FOCAD: variants seen among roughly 807,000 people sequenced by gnomAD.
FOCAD encodes the protein KIAA1797.
In FOCAD, 198 loss-of-function variants were observed where a neutral mutation model predicts 225.6. The ratio of observed to expected loss-of-function variants is 0.88; its 90% CI spans 0.78 to 0.99. The LOEUF (loss-of-function observed/expected upper bound fraction) is 0.99, where lower values mean the gene tolerates loss of function less well. FOCAD is among the 50% of genes least tolerant of loss of function. The pLI is 0.00. For missense variants in FOCAD, 2,713 were observed against 2,123.6 expected, an observed-to-expected ratio of 1.28 and a Z score of -5.46; for synonymous variants, 897 against 755.0, an observed-to-expected ratio of 1.19 and a Z score of -3.08.
chr9:20,930,381 T>C (rs1414291506), intron 27 of FOCAD, among the ~76,000 whole-genome samples: 2 of 152,248 alleles, frequency 1.3e-5, no homozygotes, highest in East Asian at 3.8e-4. Flanking sequence ...AATACTTGCT[T>C]ATCATGAATA....
chr9:20,953,206 G>T lies in FOCAD; in HGVS notation c.4132+141G>T, dbSNP rs914533242. The T allele has an allele frequency of 2.4e-5, 15 of 634,866 alleles. No homozygotes were observed. In the African/African-American group the frequency reaches 2.4e-4, roughly 10 times the overall value. The allele number at this position is 634,866 out of a possible 1,614,324, so 39.3% of individuals were successfully genotyped here. ...TATTTTCGTCTGCTAAACCATCTTTGCAATAGAGATGACCAGCAGCTAGCT... is the reference window on the plus strand; with the variant it reads ...TATTTTCGTCTGCTAAACCATCTTTTCAATAGAGATGACCAGCAGCTAGCT... On this transcript the variant is annotated intron_variant, in intron 35 of 43. Transcript: ENST00000338382.
At chr9:20,838,629 C>A (rs2131549278) in intron 15 of FOCAD, among the ~76,000 whole-genome samples, 1 of 152,150 alleles carries the variant, frequency 6.6e-6, no homozygotes, top group East Asian at 1.9e-4. Flanking sequence ...GGTACTCTAT[C>A]CATGTTATGG....
chr9:20,894,896 C>T (rs1167951268), intron 21 of FOCAD, among the ~76,000 whole-genome samples: 1 of 152,006 alleles, frequency 6.6e-6, no homozygotes, highest in African/African-American at 2.4e-5. Flanking sequence ...GAAAAGCTGT[C>T]ATCAAGCCTA....
chr9:20,846,232 A>G (rs1408395716), intron 15 of FOCAD, among the ~76,000 whole-genome samples: 1 of 152,090 alleles, frequency 6.6e-6, no homozygotes, highest in Non-Finnish European at 1.5e-5. Flanking sequence ...CTGTGGAGAA[A>G]TGTGTACTCT....
intron 1 of FOCAD, among the ~76,000 whole-genome samples, chr9:20,698,147 T>A (rs1195602002): frequency 1.3e-5 from 2 of 152,220 alleles, no homozygotes; most frequent in African/African-American, 4.8e-5. Context: ...ATTTTTTTAT[T>A]TGAGGAGAAT....
intron 1 of FOCAD, among the ~76,000 whole-genome samples, chr9:20,704,530 T>C (rs569198075): frequency 5.3e-5 from 8 of 152,318 alleles, no homozygotes; most frequent in Admixed American, 1.3e-4. Context: ...GGAGGAAGAT[T>C]TCCTAGCAGT....
intron 19 of FOCAD, among the ~76,000 whole-genome samples, chr9:20,878,179 T>C (rs975078416): frequency 5.3e-5 from 8 of 152,200 alleles, no homozygotes; most frequent in African/African-American, 1.9e-4. Context: ...TTATACAATT[T>C]GTACTTCCAG....
chr9:20,960,896 A>G (rs1470015594), intron 35 of FOCAD, among the ~76,000 whole-genome samples: 2 of 152,030 alleles, frequency 1.3e-5, no homozygotes, highest in African/African-American at 4.8e-5. Context: ...TTCCAGCTTC[A>G]TCCATGTCCC....
At chr9:20,783,401 A>G (rs547361063) in intron 10 of FOCAD, among the ~76,000 whole-genome samples, 3 of 151,980 alleles carry the variant, frequency 2.0e-5, no homozygotes, top group East Asian at 1.9e-4. Context: ...TCCTGCACCT[A>G]TCTGGAACTT....
At chr9:20,994,872 A>C (rs141047645) in intron 43 of FOCAD, among the ~76,000 whole-genome samples, 1 of 152,356 alleles carries the variant, frequency 6.6e-6, no homozygotes, top group Non-Finnish European at 1.5e-5. Flanking sequence ...TAGTAGGCTT[A>C]TTAGATTCAC....
chr9:20,927,010 A>G (rs150938807), intron 26 of FOCAD, among the ~76,000 whole-genome samples: 1 of 114,264 alleles, frequency 8.8e-6, no homozygotes, highest in Non-Finnish European at 2.0e-5. Context: ...TGTGAAATAT[A>G]TATGTATAGA....
chr9:20,765,325 T>C (rs1350578970), intron 7 of FOCAD, among the ~76,000 whole-genome samples: 3 of 152,130 alleles, frequency 2.0e-5, no homozygotes, highest in Non-Finnish European at 4.4e-5. Context: ...ATAGCAAGCA[T>C]GAAAACTTTC....
chr9:20,655,685 TG>T (rs775917989), upstream of FOCAD, among the ~76,000 whole-genome samples: 24 of 152,236 alleles, frequency 1.6e-4, no homozygotes, highest in Non-Finnish European at 3.4e-4. Flanking sequence ...TTATTAGTCT[TG>T]CTAGCGGTCT....
intron 35 of FOCAD, among the ~76,000 whole-genome samples, chr9:20,966,508 T>C (rs1399216898): frequency 6.6e-6 from 1 of 152,152 alleles, no homozygotes; most frequent in Non-Finnish European, 1.5e-5. Context: ...AATGAACAAG[T>C]TTTTAACTTC....
intron 1 of FOCAD, among the ~76,000 whole-genome samples, chr9:20,693,958 G>GTGAT (rs1823137144): frequency 6.6e-6 from 1 of 152,188 alleles, no homozygotes; most frequent in Non-Finnish European, 1.5e-5. Flanking sequence ...TGATCTTCCT[G>GTGAT]CCTTGGCCTC....
chr9:20,688,244 G>T (rs1022526344), intron 1 of FOCAD, among the ~76,000 whole-genome samples: 1 of 152,156 alleles, frequency 6.6e-6, no homozygotes, highest in African/African-American at 2.4e-5. Context: ...GGGTAAGGCA[G>T]ACATTTGCAT....
chr9:20,670,982 A>G (rs1822048174), intron 2 of FOCAD, among the ~76,000 whole-genome samples: 1 of 152,228 alleles, frequency 6.6e-6, no homozygotes, highest in African/African-American at 2.4e-5. Context: ...AATCCCAGCT[A>G]GTAAATACTA....
chr9:20,982,480 A>G (rs769995215), intron 39 of FOCAD, 34 bp downstream of exon 39: 1 of 1,530,254 alleles, frequency 6.5e-7, no homozygotes, highest in East Asian at 2.3e-5. Context: ...TTTTTTCATT[A>G]TTGAGCCAGA....
chr9:20,708,356 G>T (rs1164310814), intron 1 of FOCAD, among the ~76,000 whole-genome samples: 3 of 152,150 alleles, frequency 2.0e-5, no homozygotes, highest in African/African-American at 7.2e-5. Context: ...AAAAAGAAAA[G>T]TCCTGGATTT....
Sources: gnomAD v4.1 joint callset for allele counts (sites outside exome capture counted in the v4.1 genomes callset) on GRCh38, gnomAD v4.1.1 for gene constraint, MANE v1.5 for transcripts, NCBI Gene and HGNC (gene_info 2026-07-23, HGNC 2026-07-21) for gene names.